The following NALF1 variants were observed in gnomAD, a reference collection of about 807,000 sequenced individuals.
The protein encoded by NALF1 is family with sequence similarity 155 member A.
In NALF1, 3 loss-of-function variants were observed where a neutral mutation model predicts 48.4. The observed-to-expected ratio is 0.06, with a 90% CI of 0.03 to 0.16. The LOEUF (loss-of-function observed/expected upper bound fraction) is 0.16, where lower values mean the gene tolerates loss of function less well. Ranked by LOEUF, NALF1 falls within the 10% of genes least tolerant of loss-of-function variation. The pLI is 1.00. For missense variants in NALF1, 526 were observed against 571.5 expected (o/e 0.92, Z 0.81); for synonymous variants, 262 against 245.7 (o/e 1.07, Z -0.62).
intron 1 of NALF1, among the ~76,000 whole-genome samples, chr13:107,688,705 C>T (rs746849970): frequency 6.6e-6 from 1 of 152,154 alleles, no homozygotes; most frequent in Non-Finnish European, 1.5e-5. Flanking sequence ...TATCTCTGTG[C>T]CATTCCAGGG....
At chr13:107,846,031 AATCT>A (rs1327136498) in intron 1 of NALF1, among the ~76,000 whole-genome samples, 1 of 152,190 alleles carries the variant, frequency 6.6e-6, no homozygotes, top group African/African-American at 2.4e-5. Context: ...GAAATGTACA[AATCT>A]ATCTTCTTTG....
chr13:107,321,372 T>C (rs937648993), intron 1 of NALF1, among the ~76,000 whole-genome samples: 1 of 152,092 alleles, frequency 6.6e-6, no homozygotes, highest in South Asian at 2.1e-4. Flanking sequence ...GTATTAATCA[T>C]TTCCCTGTAG....
At chr13:107,216,489 C>T (rs996525919) in intron 1 of NALF1, among the ~76,000 whole-genome samples, 4 of 152,192 alleles carry the variant, frequency 2.6e-5, no homozygotes, top group South Asian at 2.1e-4. Context: ...CGGTAAGCAG[C>T]GCTCTGAGCT....
intron 2 of NALF1, among the ~76,000 whole-genome samples, chr13:107,181,322 A>G (rs929202375): frequency 2.6e-5 from 4 of 151,620 alleles, no homozygotes; most frequent in African/African-American, 9.6e-5. Context: ...TCTTAAAAAT[A>G]AAACACTTAC....
At chr13:107,238,936 A>G (rs748521678) in intron 1 of NALF1, among the ~76,000 whole-genome samples, 8 of 152,116 alleles carry the variant, frequency 5.3e-5, no homozygotes, top group Admixed American at 1.3e-4. Context: ...TAACAGCTGT[A>G]TGGGGGATGG....
At chr13:107,804,687 C>T (rs1566488478) in intron 1 of NALF1, among the ~76,000 whole-genome samples, 4 of 152,134 alleles carry the variant, frequency 2.6e-5, no homozygotes, top group South Asian at 4.1e-4. Flanking sequence ...TATGAGGGCA[C>T]TCGGAATGTC....
At chr13:107,334,253 C>CTT (rs1291162538) in intron 1 of NALF1, among the ~76,000 whole-genome samples, 1 of 152,146 alleles carries the variant, frequency 6.6e-6, no homozygotes, top group African/African-American at 2.4e-5. Context: ...TCTTCCTAAA[C>CTT]AGAAACCCCA....
intron 1 of NALF1, among the ~76,000 whole-genome samples, chr13:107,861,525 T>C (rs771723042): frequency 8.5e-5 from 13 of 152,176 alleles, no homozygotes; most frequent in Non-Finnish European, 1.9e-4. Context: ...TGGCTCACAC[T>C]TGTAATCCCA....
At chr13:107,569,452 A>G (rs1877919407) in intron 1 of NALF1, among the ~76,000 whole-genome samples, 1 of 151,900 alleles carries the variant, frequency 6.6e-6, no homozygotes, top group Non-Finnish European at 1.5e-5. Flanking sequence ...AGCCTGGGCG[A>G]CACAGCGAGA....
intron 1 of NALF1, among the ~76,000 whole-genome samples, chr13:107,216,726 C>T (rs1359241495): frequency 5.9e-5 from 9 of 152,144 alleles, no homozygotes; most frequent in Non-Finnish European, 1.3e-4. Context: ...ATTCTCAACA[C>T]CAAAATGAGG....
intron 1 of NALF1, among the ~76,000 whole-genome samples, chr13:107,622,481 AAAAC>A (rs1000478371): frequency 2.0e-5 from 3 of 151,698 alleles, no homozygotes; most frequent in African/African-American, 7.3e-5. Flanking sequence ...CAAAAAAAAA[AAAAC>A]AGAGAGAAAA....
chr13:107,825,442 T>A (rs957167869), intron 1 of NALF1, among the ~76,000 whole-genome samples: 6 of 152,074 alleles, frequency 3.9e-5, no homozygotes, highest in Admixed American at 2.6e-4. Flanking sequence ...AACGGATGCA[T>A]AATCTGTCAT....
intron 1 of NALF1, among the ~76,000 whole-genome samples, chr13:107,682,337 GC>G (rs1566442257): frequency 6.6e-6 from 1 of 152,136 alleles, no homozygotes; most frequent in African/African-American, 2.4e-5. Flanking sequence ...TTGCTCTCTG[GC>G]CCGCCTTGGG....
intron 1 of NALF1, among the ~76,000 whole-genome samples, chr13:107,716,331 C>T (rs1052085931): frequency 2.0e-5 from 3 of 152,154 alleles, no homozygotes; most frequent in Non-Finnish European, 2.9e-5. Context: ...CAGGGAAAAA[C>T]GTCTGAGCAT....
intron 1 of NALF1, among the ~76,000 whole-genome samples, chr13:107,855,786 C>A (rs976114109): frequency 1.3e-5 from 2 of 152,166 alleles, no homozygotes; most frequent in African/African-American, 4.8e-5. Flanking sequence ...TTAATTACCG[C>A]TTTGATAAAG....
chr13:107,336,077 C>T (rs1330544655), intron 1 of NALF1, among the ~76,000 whole-genome samples: 1 of 152,110 alleles, frequency 6.6e-6, no homozygotes, highest in Non-Finnish European at 1.5e-5. Context: ...ATCAGCCAGT[C>T]ATGGCGGCTC....
intron 1 of NALF1, among the ~76,000 whole-genome samples, chr13:107,324,916 C>A (rs1225713201): frequency 6.6e-6 from 1 of 152,104 alleles, no homozygotes. Context: ...ATTAACAAAA[C>A]CTGGATGAGT....
At chr13:107,182,154 GA>G (rs1197337103) in intron 2 of NALF1, among the ~76,000 whole-genome samples, 1 of 151,848 alleles carries the variant, frequency 6.6e-6, no homozygotes, top group African/African-American at 2.4e-5. Context: ...TTAAATATCT[GA>G]AAATGTTTCT....
intron 1 of NALF1, among the ~76,000 whole-genome samples, chr13:107,267,345 A>G (rs1226594475): frequency 6.6e-6 from 1 of 152,180 alleles, no homozygotes; most frequent in Admixed American, 6.5e-5. Flanking sequence ...AAATTGATAA[A>G]AGAGAGTCTA....
Sources: allele counts gnomAD v4.1 joint callset (sites outside exome capture counted in the v4.1 genomes callset), GRCh38; gene constraint gnomAD v4.1.1; transcripts MANE v1.5; gene names NCBI Gene and HGNC (gene_info 2026-07-23, HGNC 2026-07-21).